CWC22: variants seen among roughly 807,000 people sequenced by gnomAD.
CWC22 encodes pre-mRNA-splicing factor CWC22 homolog.
Under a neutral mutation model 117.2 loss-of-function variants are expected in CWC22, and 53 were observed. The observed-to-expected ratio is 0.45, with a 90% CI of 0.36 to 0.57. CWC22 has a LOEUF of 0.57. CWC22 is among the 20% of genes least tolerant of loss of function. The pLI is 0.00. For missense variants in CWC22, 980 were observed against 1,068.8 expected, an observed-to-expected ratio of 0.92 and a Z score of 1.16; for synonymous variants, 360 against 355.6, an observed-to-expected ratio of 1.01 and a Z score of -0.14.
At chr2:179,971,881 C>G (rs1272435436) in intron 8 of CWC22, among the ~76,000 whole-genome samples, 1 of 152,152 alleles carries the variant, frequency 6.6e-6, no homozygotes, top group Admixed American at 6.5e-5. Flanking sequence ...ATCAAAGACA[C>G]CCACTACTTC....
chr2:180,004,497 T>C (rs1344235838), intron 1 of CWC22, among the ~76,000 whole-genome samples: 2 of 152,144 alleles, frequency 1.3e-5, no homozygotes, highest in Non-Finnish European at 1.5e-5. Flanking sequence ...GTTTAAGTGA[T>C]TGTCGTGCCT....
At chr2:179,980,667 A>G (rs1244031148) in intron 5 of CWC22, among the ~76,000 whole-genome samples, 1 of 152,116 alleles carries the variant, frequency 6.6e-6, no homozygotes, top group African/African-American at 2.4e-5. Flanking sequence ...TGGGCGGATC[A>G]TGACGTTTCT....
At chr2:179,958,229 G>A (rs1686647962) in intron 14 of CWC22, among the ~76,000 whole-genome samples, 1 of 149,368 alleles carries the variant, frequency 6.7e-6, no homozygotes, top group Non-Finnish European at 1.5e-5. Flanking sequence ...TACTAGGGAG[G>A]TTGAGGCAGG....
Position 179,965,879 on chromosome 2 carries a change from TTCTTCA to T in CWC22, c.1308_1313del (p.Asp436_Glu437del), listed in dbSNP as rs1686875628. 1.4e-6 allele frequency: 2 copies of T among 1,477,978 alleles called. No homozygotes were observed. The highest frequency in any genetic ancestry group is 1.7e-4 in the Middle Eastern group (1 of 5,808). 91.6% of individuals were successfully genotyped at this position (1,477,978 alleles called of 1,614,324 possible). On this transcript the variant is annotated inframe_deletion and splice_region_variant, in exon 12 of 20. Transcript: ENST00000410053. ...TATTTGAATATGCTACATGTTTACC[TTCTTCA>T]TCTTCTTCTCCCTCTTCCTCTTCTT...
At chr2:179,982,382 T>C (rs907642470) in intron 4 of CWC22, among the ~76,000 whole-genome samples, 4 of 152,192 alleles carry the variant, frequency 2.6e-5, no homozygotes, top group African/African-American at 7.2e-5. Context: ...TTAAAACATA[T>C]GTAAAGACTT....
chr2:179,945,466 T>G lies in CWC22; in HGVS notation c.2390A>C (p.Tyr797Ser). ...GTCTCTGTCATTCGCAACTCTACTG[T>G]AGTTATTTCGTTCAGAAGGAACATC... ...DKDVPSERNN[Y>S]SRVANDRDQE... is the part of the protein sequence containing the mutation. Residue 797 changes from tyrosine (Y) to serine (S), a missense_variant, in exon 20 of 20, where the codon TAC (tyrosine) becomes TCC (serine). By Grantham distance (144) the Tyr-to-Ser change is moderately radical. Around this residue, in one of 3 missense-constraint regions of CWC22, gnomAD observed 306 missense variants for 296.8 expected, o/e 1.03. Transcript: ENST00000410053. 1.9e-6 allele frequency: 3 copies of G among 1,612,892 alleles called. No individual in the cohort carries two copies. The highest frequency in any genetic ancestry group is 2.5e-6 in the Non-Finnish European group (3 of 1,179,128).
intron 4 of CWC22, among the ~76,000 whole-genome samples, chr2:179,983,795 G>C (rs1300707361): frequency 6.6e-6 from 1 of 152,038 alleles, no homozygotes; most frequent in African/African-American, 2.4e-5. Context: ...GATGCTCTAA[G>C]TTCTCTACAC....
At chr2:179,946,375 T>C (rs947050858) in intron 19 of CWC22, among the ~76,000 whole-genome samples, 7 of 131,066 alleles carry the variant, frequency 5.3e-5, no homozygotes, top group East Asian at 4.9e-4. Context: ...CAATTGAGCC[T>C]GGGAGGCAGA....
At chr2:179,995,180 T>C (rs1284126693) in intron 1 of CWC22, among the ~76,000 whole-genome samples, 1 of 152,196 alleles carries the variant, frequency 6.6e-6, no homozygotes, top group East Asian at 1.9e-4. Flanking sequence ...CACAGACTAG[T>C]CTATCTAGGA....
intron 13 of CWC22, among the ~76,000 whole-genome samples, chr2:179,961,434 A>G (rs1686748076): frequency 6.6e-6 from 1 of 151,994 alleles, no homozygotes; most frequent in African/African-American, 2.4e-5. Flanking sequence ...CAAGGCAATG[A>G]AATAAAAAAG....
Position 179,954,977 on chromosome 2 carries a change from A to C in CWC22, c.1516T>G (p.Phe506Val). The change falls in exon 15 of 20, where the codon TTT (phenylalanine) becomes GTT (valine). Residue 506 changes from phenylalanine (F) to valine (V), a missense_variant. This residue lies in a region of CWC22 where 559 missense variants were observed against 602.3 expected (regional missense o/e 0.93). Coordinates refer to ENST00000410053, the MANE Select transcript of CWC22 (RefSeq NM_020943.3). Reference protein sequence around the residue: ...CCAQQRTYEKFFGLLAGRFCM... With the variant: ...CCAQQRTYEKVFGLLAGRFCM... The stretch of plus-strand genomic sequence containing the variant: ...CTCACCCCAGCTAATAAGCCAAAAA[A>C]TTTTTCGTATGTCCTCTGTTGGGCA... The C allele has an allele frequency of 1.3e-6, 2 of 1,599,728 alleles. No individual in the cohort carries two copies. Among genetic ancestry groups the C allele is most frequent in the Non-Finnish European group, 1.7e-6 (2 of 1,172,282 alleles).
At chr2:179,951,486 T>C (rs1686447460) in intron 17 of CWC22, among the ~76,000 whole-genome samples, 1 of 151,992 alleles carries the variant, frequency 6.6e-6, no homozygotes, top group African/African-American at 2.4e-5. Context: ...AGCACCACAC[T>C]GAGTAACTAC....
intron 13 of CWC22, among the ~76,000 whole-genome samples, chr2:179,963,939 G>A (rs1315396270): frequency 6.6e-6 from 1 of 152,178 alleles, no homozygotes; most frequent in African/African-American, 2.4e-5. Flanking sequence ...ACTACCAGAT[G>A]CACTAAGATT....
chr2:179,995,687 G>C (rs1410002387), intron 1 of CWC22, among the ~76,000 whole-genome samples: 1 of 152,176 alleles, frequency 6.6e-6, no homozygotes, highest in Admixed American at 6.5e-5. Context: ...ACAACCACCT[G>C]AAGGCACTGG....
At position 179,959,198 on chromosome 2, in the gene CWC22, T is replaced by C. The variant is rs923464081; in HGVS notation, c.1398-116A>G. On this transcript the variant is annotated intron_variant, in intron 13 of 19. Transcript: ENST00000410053. The stretch of plus-strand genomic sequence containing the variant: ...CATCTTTTTTAACTGTAATTTCATA[T>C]TGTTGTACTGTGTATATAAGGAAAA... 1.9e-5 allele frequency: 13 copies of C among 684,594 alleles called. No homozygotes were observed. In the South Asian group the frequency reaches 2.2e-4, roughly 12 times the overall value. 42.4% of individuals were successfully genotyped at this position (684,594 alleles called of 1,614,324 possible). A position where few individuals can be genotyped will look rare whatever the true frequency, so the allele number is the denominator to read the frequency against.
chr2:179,970,014 A>G (rs1409898910), intron 11 of CWC22, among the ~76,000 whole-genome samples: 1 of 152,202 alleles, frequency 6.6e-6, no homozygotes, highest in Non-Finnish European at 1.5e-5. Context: ...GTTAGTACTT[A>G]CAATATACCA....
At chr2:179,978,980 A>G (rs1272170796) in intron 5 of CWC22, among the ~76,000 whole-genome samples, 1 of 152,182 alleles carries the variant, frequency 6.6e-6, no homozygotes, top group African/African-American at 2.4e-5. Flanking sequence ...TGGGGAAATT[A>G]CTTGGCCTCA....
At chr2:179,974,180 G>GTA (rs1687100523) in intron 6 of CWC22, among the ~76,000 whole-genome samples, 1 of 151,968 alleles carries the variant, frequency 6.6e-6, no homozygotes, top group African/African-American at 2.4e-5. Context: ...AGTATAAAAG[G>GTA]TAGATAACAT....
At chr2:179,957,679 A>G (rs1559286409) in intron 14 of CWC22, among the ~76,000 whole-genome samples, 2 of 152,158 alleles carry the variant, frequency 1.3e-5, no homozygotes, top group African/African-American at 4.8e-5. Flanking sequence ...AGAACTAGAA[A>G]CTGAACAGCC....
Sources: gnomAD v4.1 joint callset for allele counts (sites outside exome capture counted in the v4.1 genomes callset) on GRCh38, gnomAD v4.1.1 for gene constraint, gnomAD v4.1.1 regional missense constraint, MANE v1.5 for transcripts, NCBI Gene and HGNC (gene_info 2026-07-23, HGNC 2026-07-21) for gene names.